Variants in SHISA6 observed in about 807,000 individuals in gnomAD.
SHISA6 encodes shisa family member 6.
Under a neutral mutation model 47.9 loss-of-function variants are expected in SHISA6, and 22 were observed. The observed-to-expected ratio is 0.46, with a 90% CI of 0.33 to 0.66. The LOEUF is 0.66. Among genes scored for constraint, SHISA6 ranks in the 30% least tolerant of loss-of-function variants. SHISA6 has a pLI of 0.02. For synonymous variants in SHISA6, 388 were observed against 337.8 expected (o/e 1.15, Z -1.63); for missense variants, 680 against 764.6 (o/e 0.89, Z 1.30).
intron 3 of SHISA6, among the ~76,000 whole-genome samples, chr17:11,436,682 T>G (rs976570471): frequency 1.3e-5 from 2 of 152,240 alleles, no homozygotes; most frequent in African/African-American, 4.8e-5. Context: ...CTGATCACAG[T>G]AGACACTGAG....
intron 3 of SHISA6, among the ~76,000 whole-genome samples, chr17:11,544,635 C>G (rs1400046385): frequency 1.3e-5 from 2 of 152,060 alleles, no homozygotes; most frequent in Non-Finnish European, 2.9e-5. Context: ...GGTACAGTCA[C>G]TATGGAAAAC....
chr17:11,405,754 C>T (rs1157507055), intron 3 of SHISA6, among the ~76,000 whole-genome samples: 1 of 151,762 alleles, frequency 6.6e-6, no homozygotes. Context: ...TGAGTCGAGA[C>T]CACGTTCTAG....
chr17:11,268,674 A>T (rs758395894), intron 2 of SHISA6, among the ~76,000 whole-genome samples: 2 of 152,156 alleles, frequency 1.3e-5, no homozygotes, highest in Non-Finnish European at 2.9e-5. Context: ...TTGTCGGTTC[A>T]TGTGTTTATT....
intron 3 of SHISA6, among the ~76,000 whole-genome samples, chr17:11,458,305 C>T (rs1225309976): frequency 1.3e-5 from 2 of 152,108 alleles, no homozygotes; most frequent in Middle Eastern, 3.2e-3. Flanking sequence ...GAAAAGAAGT[C>T]AACCTTGCAA....
At chr17:11,395,468 A>T (rs1913537871) in intron 3 of SHISA6, among the ~76,000 whole-genome samples, 1 of 149,782 alleles carries the variant, frequency 6.7e-6, no homozygotes, top group African/African-American at 2.5e-5. Flanking sequence ...TATTATTGGC[A>T]TCCTAGGTAT....
intron 2 of SHISA6, among the ~76,000 whole-genome samples, chr17:11,264,968 C>A (rs970519190): frequency 6.6e-6 from 1 of 152,162 alleles, no homozygotes; most frequent in African/African-American, 2.4e-5. Flanking sequence ...AAAACCTCTG[C>A]TGTAAAGGTA....
chr17:11,342,821 T>C (rs1911584322), intron 2 of SHISA6, among the ~76,000 whole-genome samples: 1 of 152,212 alleles, frequency 6.6e-6, no homozygotes, highest in Admixed American at 6.5e-5. Context: ...ACAGTCCTGT[T>C]GTGATGTTGG....
chr17:11,487,135 C>A (rs1314563812), intron 3 of SHISA6, among the ~76,000 whole-genome samples: 1 of 152,200 alleles, frequency 6.6e-6, no homozygotes, highest in Non-Finnish European at 1.5e-5. Context: ...CTAGAGGAAA[C>A]ACAGGCACCC....
chr17:11,277,318 A>ACC lies in SHISA6; in HGVS notation c.799+13795_799+13796dup, dbSNP rs1555525234. On this transcript the variant is annotated intron_variant, in intron 2 of 5. Transcript: ENST00000441885. ...CACACACACACACACACACACACAC[A>ACC]CCCCGCATGTACGTATACAGACTTT... is the stretch of plus-strand genomic sequence containing the variant. Among the ~76,000 whole-genome samples, 462 of 127,910 alleles carry ACC rather than the reference A, an allele frequency of 3.6e-3. 1 individual carries two copies. Among genetic ancestry groups the ACC allele is most frequent in the Non-Finnish European group, 5.0e-3 (301 of 59,978 alleles). 83.9% of individuals were successfully genotyped at this position (127,910 alleles called of 152,430 possible).
At chr17:11,314,729 G>A (rs927079128) in intron 2 of SHISA6, among the ~76,000 whole-genome samples, 1 of 151,686 alleles carries the variant, frequency 6.6e-6, no homozygotes, top group Non-Finnish European at 1.5e-5. Flanking sequence ...TAGTAGAGAC[G>A]GGGTTTCACC....
Position 11,455,270 on chromosome 17 carries a change from A to G in SHISA6, c.895+75761A>G, listed in dbSNP as rs201103971. On this transcript the variant is annotated intron_variant, in intron 3 of 5. Transcript: ENST00000441885. ...CCTTATTTAAAATAAAATAAAAGAG[A>G]GGGAGTTTGTGGAGATTTCATATGG... Among the ~76,000 whole-genome samples, 11 of 152,320 alleles carry G rather than the reference A, an allele frequency of 7.2e-5. No individual in the cohort carries two copies. The East Asian group carries it at 2.1e-3, about 29-fold the overall frequency.
At chr17:11,425,254 A>G (rs1027765019) in intron 3 of SHISA6, among the ~76,000 whole-genome samples, 4 of 151,756 alleles carry the variant, frequency 2.6e-5, no homozygotes, top group Admixed American at 6.6e-5. Context: ...CAAACCAGAA[A>G]GGTTTGTTTC....
intron 3 of SHISA6, among the ~76,000 whole-genome samples, chr17:11,522,578 TTATTTAAAATGTGCC>T (rs1405216165): frequency 6.6e-6 from 1 of 152,168 alleles, no homozygotes. Context: ...GCTTTGATAT[TTATTTAAAATGTGCC>T]TATGTTCATC....
At chr17:11,548,615 G>T (rs939733297) in intron 3 of SHISA6, among the ~76,000 whole-genome samples, 14 of 152,088 alleles carry the variant, frequency 9.2e-5, no homozygotes, top group African/African-American at 3.4e-4. Context: ...ACAGTGTGTT[G>T]ACTTAGAAAT....
chr17:11,294,662 T>C (rs962828753), intron 2 of SHISA6, among the ~76,000 whole-genome samples: 2 of 152,094 alleles, frequency 1.3e-5, no homozygotes, highest in Non-Finnish European at 2.9e-5. Flanking sequence ...TTCCTCCCTA[T>C]CTGAGGGGCT....
At chr17:11,501,300 T>C (rs947650457) in intron 3 of SHISA6, among the ~76,000 whole-genome samples, 3 of 152,008 alleles carry the variant, frequency 2.0e-5, no homozygotes, top group Non-Finnish European at 2.9e-5. Context: ...TTAGTAGAGA[T>C]GGGGTTTCAC....
chr17:11,350,196 T>TTTTC (rs1369301126), intron 2 of SHISA6, among the ~76,000 whole-genome samples: 1 of 139,910 alleles, frequency 7.1e-6, no homozygotes, highest in African/African-American at 2.7e-5. Flanking sequence ...TTTTTTTTTT[T>TTTTC]TGAGACGGAG....
intron 3 of SHISA6, among the ~76,000 whole-genome samples, chr17:11,517,787 G>A: frequency 6.6e-6 from 1 of 152,024 alleles, no homozygotes; most frequent in East Asian, 1.9e-4. Context: ...TTACAGGCTT[G>A]AGCCACCACA....
chr17:11,262,093 T>C (rs1908252480), intron 1 of SHISA6, among the ~76,000 whole-genome samples: 1 of 152,222 alleles, frequency 6.6e-6, no homozygotes, highest in African/African-American at 2.4e-5. Context: ...GAGTTAGTTT[T>C]TTATATGGTG....
Sources: allele counts gnomAD v4.1 joint callset (sites outside exome capture counted in the v4.1 genomes callset), GRCh38; gene constraint gnomAD v4.1.1; transcripts MANE v1.5; gene names NCBI Gene and HGNC (gene_info 2026-07-23, HGNC 2026-07-21).